VPS13B: variants seen among roughly 807,000 people sequenced by gnomAD.
The protein encoded by VPS13B is vacuolar protein sorting 13 homolog B, also known as intermembrane lipid transfer protein VPS13B.
Under a neutral mutation model 426.4 loss-of-function variants are expected in VPS13B, and 285 were observed. The observed-to-expected ratio is 0.67, with a 90% CI of 0.61 to 0.74. The LOEUF (loss-of-function observed/expected upper bound fraction) is 0.74, where lower values mean the gene tolerates loss of function less well. Ranked by LOEUF, VPS13B falls within the 30% of genes least tolerant of loss-of-function variation. The pLI is 0.00. For synonymous variants in VPS13B, 1,676 were observed against 1,676.4 expected (o/e 1.00, Z 0.01); for missense variants, 4,537 against 4,782.6 (o/e 0.95, Z 1.51).
At chr8:99,668,610 A>G (rs550190431) in intron 35 of VPS13B, among the ~76,000 whole-genome samples, 10 of 152,206 alleles carry the variant, frequency 6.6e-5, no homozygotes, top group Non-Finnish European at 1.2e-4. Flanking sequence ...GTACCTTAAT[A>G]GAGCAAATGG....
intron 3 of VPS13B, among the ~76,000 whole-genome samples, chr8:99,063,906 C>A (rs1332834332): frequency 6.6e-6 from 1 of 152,142 alleles, no homozygotes; most frequent in East Asian, 1.9e-4. Flanking sequence ...TACTGTTGAG[C>A]AATATTTTCT....
chr8:99,331,881 T>G (rs1764813545), intron 19 of VPS13B, among the ~76,000 whole-genome samples: 1 of 151,676 alleles, frequency 6.6e-6, no homozygotes, highest in African/African-American at 2.4e-5. Flanking sequence ...GTATTTGGAG[T>G]TCAACGTTGT....
intron 3 of VPS13B, among the ~76,000 whole-genome samples, chr8:99,081,345 C>A (rs1237743301): frequency 1.3e-5 from 2 of 152,098 alleles, no homozygotes; most frequent in Non-Finnish European, 2.9e-5. Context: ...CCTCCCCCAT[C>A]CTCAATGTTT....
intron 17 of VPS13B, among the ~76,000 whole-genome samples, chr8:99,218,536 C>T (rs1413545298): frequency 6.6e-6 from 1 of 152,170 alleles, no homozygotes; most frequent in African/African-American, 2.4e-5. Flanking sequence ...TTTGATGCCT[C>T]TGGATTAGAT....
intron 19 of VPS13B, among the ~76,000 whole-genome samples, chr8:99,357,945 C>G (rs929751775): frequency 5.9e-5 from 9 of 151,656 alleles, no homozygotes. Context: ...CTTTGCTTTT[C>G]TAAAACCCAG....
chr8:99,808,405 A>G (rs929966298), intron 43 of VPS13B, among the ~76,000 whole-genome samples: 1 of 150,976 alleles, frequency 6.6e-6, no homozygotes, highest in Non-Finnish European at 1.5e-5. Context: ...AGTCCCAGCT[A>G]CTCGGGAGGC....
At chr8:99,138,392 G>T (rs1810200899) in intron 12 of VPS13B, among the ~76,000 whole-genome samples, 1 of 152,204 alleles carries the variant, frequency 6.6e-6, no homozygotes, top group African/African-American at 2.4e-5. Context: ...TTCCCAAAGT[G>T]CTGGGATTAT....
At chr8:99,346,134 C>T (rs1431282882) in intron 19 of VPS13B, 3 of 152,268 alleles carry the variant, frequency 2.0e-5, no homozygotes, top group South Asian at 2.1e-4. Context: ...TGTAGAAGTT[C>T]GTGGTTCAGG....
chr8:99,802,311 T>G (rs968575200), intron 43 of VPS13B, among the ~76,000 whole-genome samples: 2 of 152,158 alleles, frequency 1.3e-5, no homozygotes, highest in African/African-American at 2.4e-5. Flanking sequence ...GAAGATCATG[T>G]CACCCTCTTG....
At chr8:99,342,669 A>G (rs1336916676) in intron 19 of VPS13B, among the ~76,000 whole-genome samples, 1 of 152,228 alleles carries the variant, frequency 6.6e-6, no homozygotes, top group East Asian at 1.9e-4. Flanking sequence ...GGCTGATACC[A>G]TATCTTGTCT....
intron 40 of VPS13B, among the ~76,000 whole-genome samples, chr8:99,767,359 G>A (rs571165456): frequency 6.6e-6 from 1 of 151,588 alleles, no homozygotes; most frequent in East Asian, 1.9e-4. Context: ...TTATCCTGGG[G>A]CATTAAAAGA....
In VPS13B at chr8:99,136,866, A is replaced by G. The variant is rs555422207; in HGVS notation, c.1651+114A>G. 1,399 of 1,021,786 alleles carry G rather than the reference A, an allele frequency of 1.4e-3. 27 individuals carry two copies. The South Asian group carries it at 0.015, about 11-fold the overall frequency. 63.3% of individuals were successfully genotyped at this position (1,021,786 alleles called of 1,614,324 possible). A position where few individuals can be genotyped will look rare whatever the true frequency, so the allele number is the denominator to read the frequency against. On this transcript the variant is annotated intron_variant, in intron 12 of 61. Transcript: ENST00000357162. ...CTCTGCTACATAAGATTTATCTTCT[A>G]GTACTTTGGGGAGTGGTTTAATTTT...
intron 33 of VPS13B, among the ~76,000 whole-genome samples, chr8:99,608,285 A>T (rs1166826086): frequency 1.3e-5 from 2 of 151,318 alleles, no homozygotes; most frequent in African/African-American, 4.9e-5. Context: ...AGTAACTGGG[A>T]CCACAGAGAC....
chr8:99,331,861 A>G (rs1435152432), intron 19 of VPS13B, among the ~76,000 whole-genome samples: 1 of 151,814 alleles, frequency 6.6e-6, no homozygotes, highest in East Asian at 1.9e-4. Flanking sequence ...TAGGTGGTTG[A>G]CAAGAAATTG....
At position 99,699,505 on chromosome 8, in the gene VPS13B, T is replaced by C. The variant is rs775455935; in HGVS notation, c.6047-20T>C. 1 of 1,611,648 alleles carries C rather than the reference T, an allele frequency of 6.2e-7. No individual in the cohort carries two copies. The highest frequency in any genetic ancestry group is 1.3e-5 in the African/African-American group (1 of 74,852). On this transcript the variant is annotated intron_variant, in intron 35 of 61. Transcript: ENST00000357162. ...AGTAAGAAAGCTTCAATAATTGTTT[T>C]CTCTTTTTTACTTCTATAGCGGATG... is the stretch of plus-strand genomic sequence containing the variant.
intron 16 of VPS13B, 59 bp from the exon 17 acceptor site, chr8:99,192,817 A>G (rs750180321): frequency 2.5e-6 from 4 of 1,585,710 alleles, no homozygotes; most frequent in South Asian, 1.1e-5. Context: ...GTCATTTAGT[A>G]TTTTGTTGTC....
chr8:99,081,469 C>T (rs970964580), intron 3 of VPS13B, among the ~76,000 whole-genome samples: 2 of 152,058 alleles, frequency 1.3e-5, no homozygotes, highest in Admixed American at 1.3e-4. Context: ...TACACGTGCA[C>T]AACGTGCAGG....
chr8:99,145,815 G>C (rs1246640415), intron 13 of VPS13B, among the ~76,000 whole-genome samples: 4 of 152,120 alleles, frequency 2.6e-5, no homozygotes, highest in Non-Finnish European at 5.9e-5. Flanking sequence ...CATTTCTTCA[G>C]GATAAATTGC....
chr8:99,763,135 CAAAAAAAAAAAAAAAAAAA>C (rs750289763), intron 39 of VPS13B, among the ~76,000 whole-genome samples: 1 of 35,848 alleles, frequency 2.8e-5, no homozygotes, highest in Admixed American at 2.6e-4. Context: ...GACCTTGTCT[CAAAAAAAAAAAAAAAAAAA>C]AAAAAAAAAA....
Sources: allele counts gnomAD v4.1 joint callset (sites outside exome capture counted in the v4.1 genomes callset), GRCh38; gene constraint gnomAD v4.1.1; transcripts MANE v1.5; gene names NCBI Gene and HGNC (gene_info 2026-07-23, HGNC 2026-07-21).